Variants in RPA1 observed in about 807,000 individuals in gnomAD.
RPA1 encodes the protein replication protein A 70 kDa DNA-binding subunit.
A neutral mutation model predicts 83.0 loss-of-function variants in RPA1; 49 were observed. That is an observed-to-expected ratio of 0.59 (90% CI 0.47 to 0.75). The LOEUF is 0.75. RPA1 is among the 30% of genes least tolerant of loss of function. The pLI is 0.00. For missense variants in RPA1, 693 were observed against 776.1 expected (o/e 0.89, Z 1.27); for synonymous variants, 279 against 281.8 (o/e 0.99, Z 0.10).
rs762508933 is a variant in RPA1, at chr17:1,879,628, G to A, written c.1021G>A (p.Val341Ile). The change falls in exon 11 of 17, where the codon GTT (valine) becomes ATT (isoleucine). Residue 341 changes from valine (V) to isoleucine (I), a missense_variant. Coordinates refer to ENST00000254719, the MANE Select transcript of RPA1 (RefSeq NM_002945.5). ...KITVRSNNRE[V>I]AKRNIYLMDT... Reference sequence around the variant, plus strand: ...CACAGTGAGGTCTAACAACAGAGAAGTTGCCAAGAGGAATATCTACTTGAT... The same window carrying A: ...CACAGTGAGGTCTAACAACAGAGAAATTGCCAAGAGGAATATCTACTTGAT... The A allele has an allele frequency of 6.2e-7, 1 of 1,614,230 alleles. No individual in the cohort carries two copies. The highest frequency in any genetic ancestry group is 8.5e-7 in the Non-Finnish European group (1 of 1,180,038).
chr17:1,875,593 T>TAA lies in RPA1; in HGVS notation c.455-66_455-65dup, dbSNP rs17338822. ...GCACCTCCAAAATTTAGAGTTATTG[T>TAA]AAAGCTTACTATAAAAAAGCTAAGT... is the stretch of plus-strand genomic sequence containing the variant. On this transcript the variant is annotated intron_variant, in intron 6 of 16. Transcript: ENST00000254719. The TAA allele has an allele frequency of 2.2e-3, 3,411 of 1,525,266 alleles. 73 individuals carry two copies. The African/African-American group carries it at 0.042, about 19-fold the overall frequency. 94.5% of individuals were successfully genotyped at this position (1,525,266 alleles called of 1,614,324 possible). A position where few individuals can be genotyped will look rare whatever the true frequency, so the allele number is the denominator to read the frequency against.
chr17:1,872,398 T>G, intron 5 of RPA1, 36 bp from the exon 6 acceptor site: 5 of 1,608,130 alleles, frequency 3.1e-6, no homozygotes, highest in Non-Finnish European at 4.2e-6. Context: ...ACCCAAATCC[T>G]TTGCACTAAA....
In RPA1 at chr17:1,844,654, C is replaced by T; in HGVS notation, c.240C>T (p.His80=). 6.2e-7 allele frequency: 1 copy of T among 1,613,706 alleles called. No homozygotes were observed. Among genetic ancestry groups the T allele is most frequent in the African/African-American group, 1.3e-5 (1 of 75,022 alleles). Reference sequence around the variant, plus strand: ...CCAGCAACTGTGTATGCCAGATTCACAGATTTATTGTGAACACTCTGAAAG... The same window carrying T: ...CCAGCAACTGTGTATGCCAGATTCATAGATTTATTGTGAACACTCTGAAAG... ...QLSSNCVCQI[H]RFIVNTLKDG... is the part of the protein sequence containing the mutation. Residue 80 remains histidine, a synonymous_variant, in exon 4 of 17, where the codon CAC becomes CAT. Coordinates refer to ENST00000254719, the MANE Select transcript of RPA1 (RefSeq NM_002945.5).
intron 16 of RPA1, among the ~76,000 whole-genome samples, chr17:1,895,871 C>T (rs534781517): frequency 1.3e-5 from 2 of 151,858 alleles, no homozygotes; most frequent in South Asian, 2.1e-4. Flanking sequence ...TTAGTAGAGA[C>T]GGAGTTTTCA....
chr17:1,851,337 G>C (rs1912490004), intron 4 of RPA1, among the ~76,000 whole-genome samples: 1 of 152,034 alleles, frequency 6.6e-6, no homozygotes, highest in African/African-American at 2.4e-5. Flanking sequence ...TTCCTGTGAC[G>C]GTAGATTGAT....
At chr17:1,877,393 G>T (rs1296213774) in intron 8 of RPA1, 79 bp downstream of exon 8, 3 of 1,258,380 alleles carry the variant, frequency 2.4e-6, no homozygotes. Flanking sequence ...GAGGGCAGTG[G>T]GCTCGCTGGG....
rs565146503 is a variant in RPA1 at position 1,884,020 on chromosome 17, A to C, written c.1374+76A>C. The C allele has an allele frequency of 1.0e-4, 160 of 1,584,566 alleles. 4 individuals carry two copies. In the South Asian group the frequency reaches 1.7e-3, roughly 17 times the overall value. On this transcript the variant is annotated intron_variant, in intron 13 of 16. Coordinates refer to ENST00000254719, the MANE Select transcript of RPA1 (RefSeq NM_002945.5). This position sits in a 1 kb window ranked among gnomAD's most constrained non-coding sequence, Gnocchi z 4.1. ...GGATGGATTTAGAAACTTGGTTTCC[A>C]GCACCAGCTGTCAGAGCCGTAATTC...
intron 15 of RPA1, among the ~76,000 whole-genome samples, chr17:1,893,113 T>C (rs983178566): frequency 6.6e-6 from 1 of 152,252 alleles, no homozygotes; most frequent in South Asian, 2.1e-4. Flanking sequence ...AAATTGTCCA[T>C]GAGAGCTCTC....
chr17:1,891,824 G>GT lies in RPA1; in HGVS notation c.1552-3dup. The GT allele has an allele frequency of 1.3e-6, 2 of 1,536,426 alleles. No individual in the cohort carries two copies. Among genetic ancestry groups the GT allele is most frequent in the Non-Finnish European group, 9.0e-7 (1 of 1,116,398 alleles). ...CTTTGCTGAAATAATGTAGAATTGT[G>GT]TTTTTTAGGTAAATATTGCAGATTT... On this transcript the variant is annotated splice_polypyrimidine_tract_variant and intron_variant, in intron 14 of 16. Transcript: ENST00000254719.
At chr17:1,835,192 A>G (rs1911766757) in intron 1 of RPA1, among the ~76,000 whole-genome samples, 1 of 151,984 alleles carries the variant, frequency 6.6e-6, no homozygotes, top group Non-Finnish European at 1.5e-5. Context: ...TTTGTCTCTC[A>G]GGCTGGAGTG....
chr17:1,893,349 C>T (rs919449400), intron 15 of RPA1, among the ~76,000 whole-genome samples: 6 of 152,248 alleles, frequency 3.9e-5, no homozygotes, highest in Non-Finnish European at 7.3e-5. Context: ...CTGGAGTTCG[C>T]ACTCCACGCC....
intron 4 of RPA1, among the ~76,000 whole-genome samples, chr17:1,848,716 A>G (rs1229147909): frequency 1.3e-5 from 2 of 151,648 alleles, no homozygotes; most frequent in Non-Finnish European, 2.9e-5. Context: ...GATGTGCACC[A>G]CCATGCCTGG....
At chr17:1,850,048 T>G (rs188582911) in intron 4 of RPA1, among the ~76,000 whole-genome samples, 1 of 151,432 alleles carries the variant, frequency 6.6e-6, no homozygotes, top group East Asian at 2.0e-4. Flanking sequence ...GGCACATGCC[T>G]ATAGTCCCAG....
At chr17:1,882,262 A>G (rs568317341) in intron 12 of RPA1, among the ~76,000 whole-genome samples, 1 of 152,286 alleles carries the variant, frequency 6.6e-6, no homozygotes, top group South Asian at 2.1e-4. Flanking sequence ...ATAATTTAAT[A>G]CAAATTAATT....
chr17:1,874,032 T>TACACAC lies in RPA1; in HGVS notation c.454+1533_454+1538dup, dbSNP rs67199303. Among the ~76,000 whole-genome samples, 526 of 79,196 alleles carry TACACAC rather than the reference T, an allele frequency of 6.6e-3. 16 individuals are homozygous for TACACAC. Among genetic ancestry groups the TACACAC allele is most frequent in the African/African-American group, 0.023 (370 of 15,878 alleles). The allele number at this position is 79,196 out of a possible 152,430, so 52.0% of individuals were successfully genotyped here. Reference sequence around the variant, plus strand: ...AAAAAAATATATATATATATATATATACACACACACACACACACACACACA... The same window carrying TACACAC: ...AAAAAAATATATATATATATATATATACACACACACACACACACACACACACACACA... On this transcript the variant is annotated intron_variant, in intron 6 of 16. Transcript: ENST00000254719.
At chr17:1,840,964 G>A (rs1237595907) in intron 1 of RPA1, among the ~76,000 whole-genome samples, 1 of 152,072 alleles carries the variant, frequency 6.6e-6, no homozygotes, top group Non-Finnish European at 1.5e-5. Flanking sequence ...CTACGCGGGA[G>A]GCTGCAGCAG....
At position 1,839,773 on chromosome 17, in the gene RPA1, G is replaced by A. The variant is rs990321375; in HGVS notation, c.34-3030G>A. Among the ~76,000 whole-genome samples the A allele has an allele frequency of 2.7e-5, 4 of 146,154 alleles. No individual in the cohort carries two copies. The East Asian group carries it at 8.0e-4, about 29-fold the overall frequency. On this transcript the variant is annotated intron_variant, in intron 1 of 16. Coordinates refer to ENST00000254719, the MANE Select transcript of RPA1 (RefSeq NM_002945.5). Reference sequence around the variant, plus strand: ...TCCTCACCCTCTGAGTAGCTGGGACGACTGCGCCCAGCTAGTTTTTTTTTT... The same window carrying A: ...TCCTCACCCTCTGAGTAGCTGGGACAACTGCGCCCAGCTAGTTTTTTTTTT...
rs1555590743 is a variant in RPA1, at chr17:1,863,223, AT to A, written c.362-9204del. ...ATTTTATTTTATTTTATTTTATTTTATTTTTTTGAGACGAGTCTCACTCTGT... is the reference window on the plus strand; with the variant it reads ...ATTTTATTTTATTTTATTTTATTTTATTTTTTGAGACGAGTCTCACTCTGT... On this transcript the variant is annotated intron_variant, in intron 5 of 16. Coordinates refer to ENST00000254719, the MANE Select transcript of RPA1 (RefSeq NM_002945.5). 8.6e-5 allele frequency among the ~76,000 whole-genome samples: 12 copies of A among 139,312 alleles called. 1 individual carries two copies. In the South Asian group the frequency reaches 2.7e-3, roughly 31 times the overall value. 91.4% of individuals were successfully genotyped at this position (139,312 alleles called of 152,430 possible). A position where few individuals can be genotyped will look rare whatever the true frequency, so the allele number is the denominator to read the frequency against.
chr17:1,833,106 T>C (rs1310081534), intron 1 of RPA1, among the ~76,000 whole-genome samples: 1 of 152,086 alleles, frequency 6.6e-6, no homozygotes, highest in Non-Finnish European at 1.5e-5. Context: ...TTTGTATTTT[T>C]AGTAGAGACA....
Sources: gnomAD v4.1 joint callset for allele counts (sites outside exome capture counted in the v4.1 genomes callset) on GRCh38, gnomAD v4.1.1 for gene constraint, Gnocchi (gnomAD v3.1) non-coding constraint, MANE v1.5 for transcripts, NCBI Gene and HGNC (gene_info 2026-07-23, HGNC 2026-07-21) for gene names.